The following THTPA variants were observed in gnomAD, a reference collection of about 807,000 sequenced individuals.
THTPA encodes the protein thiamine triphosphatase.
A neutral mutation model predicts 16.5 loss-of-function variants in THTPA; 16 were observed. That is an observed-to-expected ratio of 0.97 (90% CI 0.66 to 1.47). The LOEUF is 1.47. Ranked by LOEUF, THTPA falls within the 40% of genes most tolerant of loss-of-function variation. The pLI is 0.00. For synonymous variants in THTPA, 110 were observed against 115.5 expected (o/e 0.95, Z 0.30); for missense variants, 281 against 280.9 (o/e 1.00, Z 0.00).
chr14:23,534,379 G>T, the THTPA span: 17 of 1,536,678 alleles, frequency 1.1e-5, no homozygotes, highest in Non-Finnish European at 1.5e-5. The surrounding 1 kb of genome is among the most constrained non-coding windows in gnomAD (Gnocchi z 4.5). Context: ...GGCCACATTC[G>T]CCTCCATGTT....
At chr14:23,523,601 T>G in the THTPA span, 1 of 1,554,988 alleles carries the variant, frequency 6.4e-7, no homozygotes, top group South Asian at 1.2e-5. This position sits in a 1 kb window ranked among gnomAD's most constrained non-coding sequence, Gnocchi z 4.1. Context: ...ACGAGCATTC[T>G]GGAACCAGAC....
chr14:23,534,614 G>A, the THTPA span: 39 of 1,536,046 alleles, frequency 2.5e-5, no homozygotes, highest in Middle Eastern at 3.3e-4. The surrounding 1 kb of genome is among the most constrained non-coding windows in gnomAD (Gnocchi z 4.5). Flanking sequence ...AGAAGGCAGA[G>A]CCAGAAGACC....
chr14:23,525,655 G>A, the THTPA span: 1 of 1,535,590 alleles, frequency 6.5e-7, no homozygotes. The surrounding 1 kb of genome is among the most constrained non-coding windows in gnomAD (Gnocchi z 5.9). Flanking sequence ...TGGGCAATGG[G>A]TCGGGGGGTG....
chr14:23,532,462 C>T, the THTPA span: 1 of 1,347,082 alleles, frequency 7.4e-7, no homozygotes, highest in Admixed American at 3.4e-5. Flanking sequence ...TCCTTTTTCT[C>T]CATTTGTCAC....
At chr14:23,532,721 G>T in the THTPA span, 1 of 1,535,316 alleles carries the variant, frequency 6.5e-7, no homozygotes, top group Non-Finnish European at 8.7e-7. Context: ...TGCTGGGGAA[G>T]GGGTGCCCAT....
At chr14:23,517,470 C>T in the THTPA span, among the ~76,000 whole-genome samples, 1 of 152,172 alleles carries the variant, frequency 6.6e-6, no homozygotes, top group East Asian at 1.9e-4. Flanking sequence ...GGCATTTCTT[C>T]CCAACTCAGT....
the THTPA span, chr14:23,526,566 C>T: frequency 6.5e-7 from 1 of 1,535,584 alleles, no homozygotes; most frequent in South Asian, 1.2e-5. Context: ...GGAGATGGGG[C>T]TGGAGAAGGG....
At chr14:23,523,138 G>T in the THTPA span, 1 of 1,402,204 alleles carries the variant, frequency 7.1e-7, no homozygotes, top group Non-Finnish European at 9.2e-7. The surrounding 1 kb of genome is among the most constrained non-coding windows in gnomAD (Gnocchi z 4.1). Flanking sequence ...GGAAGGAAAA[G>T]GAAGGGCATG....
At chr14:23,551,169 G>A, upstream of THTPA, among the ~76,000 whole-genome samples, 1 of 151,222 alleles carries the variant, frequency 6.6e-6, no homozygotes, top group African/African-American at 2.4e-5. The surrounding 1 kb of genome is among the most constrained non-coding windows in gnomAD (Gnocchi z 5.3). Flanking sequence ...CTGTCTGTCC[G>A]TCCGTCCTTG....
At chr14:23,558,668 C>G (rs912655019) in intron 1 of THTPA, 27 bp from the exon 2 acceptor site, 1 of 1,613,758 alleles carries the variant, frequency 6.2e-7, no homozygotes, top group African/African-American at 1.3e-5. Context: ...CTGTCCATTT[C>G]TCTCCTCATT....
At chr14:23,558,589 T>C (rs761145906) in intron 1 of THTPA, 106 bp from the exon 2 acceptor site, 30 of 1,436,554 alleles carry the variant, frequency 2.1e-5, no homozygotes, top group Non-Finnish European at 2.8e-5. Context: ...AGAACCCCAG[T>C]GTGGCTTTGG....
At chr14:23,530,918 C>G in the THTPA span, 1 of 189,872 alleles carries the variant, frequency 5.3e-6, no homozygotes. Context: ...TCTCCTGTAC[C>G]CTCTGGATCA....
chr14:23,549,752 G>A, the THTPA span, among the ~76,000 whole-genome samples: 6 of 152,110 alleles, frequency 3.9e-5, no homozygotes, highest in Non-Finnish European at 7.3e-5. Context: ...CTGATGGAGG[G>A]GTTATATGCC....
upstream of THTPA, chr14:23,551,575 T>G (rs1043387909): frequency 2.6e-5 from 4 of 152,916 alleles, no homozygotes; most frequent in African/African-American, 9.6e-5. The surrounding 1 kb of genome is among the most constrained non-coding windows in gnomAD (Gnocchi z 5.3). Context: ...TCAATGCTAT[T>G]TGGCTGCGGC....
chr14:23,535,219 G>T, the THTPA span: 1 of 1,525,762 alleles, frequency 6.6e-7, no homozygotes, highest in Non-Finnish European at 8.8e-7. This position sits in a 1 kb window ranked among gnomAD's most constrained non-coding sequence, Gnocchi z 4.5. Context: ...TTTGGTGACA[G>T]GATCAGAGGG....
the THTPA span, chr14:23,524,883 G>A: frequency 7.2e-6 from 11 of 1,536,218 alleles, no homozygotes; most frequent in East Asian, 2.4e-5. The surrounding 1 kb of genome is among the most constrained non-coding windows in gnomAD (Gnocchi z 5.6). Context: ...TTGAGGTGGC[G>A]CACCAACTCA....
chr14:23,518,370 G>A, the THTPA span, among the ~76,000 whole-genome samples: 2 of 152,214 alleles, frequency 1.3e-5, no homozygotes, highest in Non-Finnish European at 2.9e-5. The surrounding 1 kb of genome is among the most constrained non-coding windows in gnomAD (Gnocchi z 4.5). Context: ...GGAATAAAAG[G>A]CTTGCTTGGT....
the THTPA span, chr14:23,522,916 G>A: frequency 1.8e-5 from 26 of 1,447,892 alleles, no homozygotes; most frequent in African/African-American, 4.3e-5. Context: ...TGGCGAGGCC[G>A]AGGAGGCCTG....
the THTPA span, chr14:23,521,869 G>C: frequency 4.0e-6 from 6 of 1,500,254 alleles, no homozygotes; most frequent in Non-Finnish European, 5.3e-6. Context: ...GGGCCAGGGG[G>C]TGGGGTGAGG....
Sources: allele counts gnomAD v4.1 joint callset (sites outside exome capture counted in the v4.1 genomes callset), GRCh38; gene constraint gnomAD v4.1.1; non-coding constraint Gnocchi (gnomAD v3.1); transcripts MANE v1.5; gene names NCBI Gene and HGNC (gene_info 2026-07-23, HGNC 2026-07-21).